The following JARID2 variants were observed in gnomAD, a reference collection of about 807,000 sequenced individuals.
JARID2 encodes jumonji and AT-rich interaction domain containing 2, also known as protein Jumonji.
Under a neutral mutation model 125.6 loss-of-function variants are expected in JARID2, and 21 were observed. The ratio of observed to expected loss-of-function variants is 0.17; its 90% CI spans 0.12 to 0.24. JARID2 has a LOEUF of 0.24. Among genes scored for constraint, JARID2 ranks in the 10% least tolerant of loss-of-function variants. The probability of loss-of-function intolerance (pLI) is 1.00; values close to 1 mark genes in which losing one functional copy is unlikely to be tolerated. For missense variants in JARID2, 1,303 were observed against 1,639.6 expected, an observed-to-expected ratio of 0.79 and a Z score of 3.55; for synonymous variants, 736 against 661.6, an observed-to-expected ratio of 1.11 and a Z score of -1.73.
intron 3 of JARID2, among the ~76,000 whole-genome samples, chr6:15,416,428 G>A (rs954288539): frequency 6.6e-6 from 1 of 152,198 alleles, no homozygotes; most frequent in African/African-American, 2.4e-5. Flanking sequence ...GACTCCGTCT[G>A]CAATCCCGGC....
At chr6:15,267,951 C>G (rs1760151393) in intron 1 of JARID2, among the ~76,000 whole-genome samples, 1 of 152,126 alleles carries the variant, frequency 6.6e-6, no homozygotes, top group Non-Finnish European at 1.5e-5. Context: ...GGTTGCAACT[C>G]CTAAGGCTTA....
chr6:15,360,470 ACTGTGCCCGGC>A (rs1231185894), intron 1 of JARID2, among the ~76,000 whole-genome samples: 1 of 152,104 alleles, frequency 6.6e-6, no homozygotes, highest in African/African-American at 2.4e-5. Context: ...GGAGTGAGCC[ACTGTGCCCGGC>A]CTATTTATCT....
chr6:15,510,169 T>G (rs1393802935), intron 12 of JARID2, among the ~76,000 whole-genome samples: 1 of 151,982 alleles, frequency 6.6e-6, no homozygotes, highest in Non-Finnish European at 1.5e-5. Flanking sequence ...CTGGCCCACA[T>G]CTTTGTGTTT....
intron 1 of JARID2, among the ~76,000 whole-genome samples, chr6:15,365,040 G>T (rs1763927212): frequency 6.6e-6 from 1 of 152,136 alleles, no homozygotes; most frequent in Non-Finnish European, 1.5e-5. Context: ...GTGATTAAAA[G>T]ATCCAAATAT....
intron 3 of JARID2, among the ~76,000 whole-genome samples, chr6:15,418,252 T>A (rs987511633): frequency 6.8e-6 from 1 of 146,388 alleles, no homozygotes; most frequent in African/African-American, 2.6e-5. Context: ...ACAGTCTTGC[T>A]CTGTCGCCAG....
At chr6:15,508,957 T>A (rs972554510) in intron 12 of JARID2, 1 of 1,289,128 alleles carries the variant, frequency 7.8e-7, no homozygotes, top group East Asian at 5.5e-5. Flanking sequence ...TGATTGGTTA[T>A]TTTCAGCCTC....
At chr6:15,309,207 T>C (rs1761932652) in intron 1 of JARID2, among the ~76,000 whole-genome samples, 1 of 152,234 alleles carries the variant, frequency 6.6e-6, no homozygotes, top group Non-Finnish European at 1.5e-5. Context: ...AACAGACTCA[T>C]TGTTCATCAT....
intron 3 of JARID2, among the ~76,000 whole-genome samples, chr6:15,446,812 A>G (rs1379191828): frequency 1.3e-5 from 2 of 152,226 alleles, no homozygotes; most frequent in African/African-American, 4.8e-5. Flanking sequence ...AGTGCACACC[A>G]GAAGGCTGTG....
chr6:15,351,017 A>G (rs1763411812), intron 1 of JARID2, among the ~76,000 whole-genome samples: 1 of 151,984 alleles, frequency 6.6e-6, no homozygotes, highest in Admixed American at 6.5e-5. Context: ...AAAAAAGCAG[A>G]TATCTTGGAT....
chr6:15,264,640 T>TGA (rs775697374), intron 1 of JARID2, among the ~76,000 whole-genome samples: 2,724 of 150,394 alleles, frequency 0.018, 41 homozygotes, highest in Middle Eastern at 0.034. Flanking sequence ...TGTGTGTGTG[T>TGA]GAGAGAGAGA....
chr6:15,273,248 C>T (rs771067405), intron 1 of JARID2, among the ~76,000 whole-genome samples: 35 of 152,118 alleles, frequency 2.3e-4, no homozygotes, highest in Admixed American at 6.5e-4. Flanking sequence ...ATACACTTAG[C>T]GGGGCTCTCT....
chr6:15,495,136 G>A (rs151031089), intron 6 of JARID2, among the ~76,000 whole-genome samples: 90 of 152,274 alleles, frequency 5.9e-4, no homozygotes, highest in Middle Eastern at 3.4e-3. Flanking sequence ...ACATCTTCTC[G>A]AAACCAGCAT....
intron 3 of JARID2, among the ~76,000 whole-genome samples, chr6:15,411,892 G>C (rs1454947927): frequency 6.6e-6 from 1 of 152,138 alleles, no homozygotes. Context: ...TGTGTTGTAG[G>C]CTTCATTCTT....
intron 3 of JARID2, among the ~76,000 whole-genome samples, chr6:15,432,039 G>T (rs1487787849): frequency 6.6e-6 from 1 of 152,072 alleles, no homozygotes; most frequent in Non-Finnish European, 1.5e-5. Flanking sequence ...TGTGTTACCG[G>T]TGGAGGGTGT....
chr6:15,514,036 T>TGTGCCCTGCTGGCTTCCTC (rs1771423348), intron 16 of JARID2, among the ~76,000 whole-genome samples: 2 of 152,252 alleles, frequency 1.3e-5, no homozygotes, highest in South Asian at 2.1e-4. Context: ...CCTTCTCGAC[T>TGTGCCCTGCTGGCTTCCTC]GTGCCCTGCT....
At chr6:15,271,673 G>T (rs1256044798) in intron 1 of JARID2, among the ~76,000 whole-genome samples, 1 of 151,970 alleles carries the variant, frequency 6.6e-6, no homozygotes, top group Non-Finnish European at 1.5e-5. Context: ...AGGGACTGAA[G>T]AGACACTCTC....
intron 2 of JARID2, among the ~76,000 whole-genome samples, chr6:15,377,124 G>A (rs762371314): frequency 1.3e-5 from 2 of 152,154 alleles, no homozygotes; most frequent in Non-Finnish European, 2.9e-5. Context: ...CAGAAGATAG[G>A]TTAGTGGGAG....
At position 15,485,620 on chromosome 6, in the gene JARID2, GTAAACGTA is replaced by G. The variant is rs200883785; in HGVS notation, c.671-1686_671-1679del. 5.6e-3 allele frequency among the ~76,000 whole-genome samples: 848 copies of G among 152,274 alleles called. 10 individuals are homozygous for G. Among genetic ancestry groups the G allele is most frequent in the African/African-American group, 0.019 (777 of 41,538 alleles). On this transcript the variant is annotated intron_variant, in intron 5 of 17. Coordinates refer to ENST00000341776, the MANE Select transcript of JARID2 (RefSeq NM_004973.4). ...TACATGTATTAAAACATGTCATACT[GTAAACGTA>G]CCATTTTAATTGTTATACTTTCATA...
rs114778727 is a variant in JARID2 at position 15,370,113 on chromosome 6, T to C, written c.46-4004T>C. ...ACAGTGAGACTGAGCTTCGTTGAGT[T>C]TGTAATTGATTCCAGAAGTATTTAT... On this transcript the variant is annotated intron_variant, in intron 1 of 17. Coordinates refer to ENST00000341776, the MANE Select transcript of JARID2 (RefSeq NM_004973.4). Among the ~76,000 whole-genome samples the C allele has an allele frequency of 2.3e-3, 356 of 152,278 alleles. 1 individual carries two copies. The highest frequency in any genetic ancestry group is 7.8e-3 in the African/African-American group (322 of 41,532).
Sources: allele counts gnomAD v4.1 joint callset (sites outside exome capture counted in the v4.1 genomes callset), GRCh38; gene constraint gnomAD v4.1.1; transcripts MANE v1.5; gene names NCBI Gene and HGNC (gene_info 2026-07-23, HGNC 2026-07-21).